The following UBL3 variants were observed in gnomAD, a reference collection of about 807,000 sequenced individuals.
The protein encoded by UBL3 is ubiquitin like 3, also known as ubiquitin-like protein 3.
In UBL3, 6 loss-of-function variants were observed where a neutral mutation model predicts 18.4. The ratio of observed to expected loss-of-function variants is 0.33; its 90% CI spans 0.18 to 0.64. The LOEUF (loss-of-function observed/expected upper bound fraction) is 0.64. UBL3 is among the 30% of genes least tolerant of loss of function. The pLI is 0.76. For missense variants in UBL3, 109 were observed against 142.9 expected, an observed-to-expected ratio of 0.76 and a Z score of 1.21; for synonymous variants, 49 against 46.6, an observed-to-expected ratio of 1.05 and a Z score of -0.21.
At chr13:29,839,931 G>GA (rs35669312) in intron 1 of UBL3, among the ~76,000 whole-genome samples, 6,225 of 120,398 alleles carry the variant, frequency 0.052, 188 homozygotes, top group Middle Eastern at 0.11. Context: ...CGTCTCGGGG[G>GA]AAAAAAAAAA....
At chr13:29,841,119 A>G (rs928394573) in intron 1 of UBL3, among the ~76,000 whole-genome samples, 3 of 152,158 alleles carry the variant, frequency 2.0e-5, no homozygotes, top group African/African-American at 7.2e-5. Context: ...TTAAGTACAT[A>G]AACAAAAATG....
At chr13:29,834,049 A>T (rs1878857472) in intron 1 of UBL3, among the ~76,000 whole-genome samples, 1 of 152,064 alleles carries the variant, frequency 6.6e-6, no homozygotes, top group Non-Finnish European at 1.5e-5. Context: ...AGCCAGGCAC[A>T]GGTGGCGCGT....
chr13:29,789,534 A>T (rs1215559144), intron 1 of UBL3, among the ~76,000 whole-genome samples: 4 of 152,212 alleles, frequency 2.6e-5, no homozygotes, highest in Non-Finnish European at 5.9e-5. Flanking sequence ...GAACACACAA[A>T]TGTGTGTTAA....
intron 1 of UBL3, among the ~76,000 whole-genome samples, chr13:29,789,241 T>C (rs1432669869): frequency 1.3e-5 from 2 of 152,074 alleles, no homozygotes; most frequent in African/African-American, 2.4e-5. Context: ...TTTTGCAAAA[T>C]GAAAAGAGTT....
intron 1 of UBL3, among the ~76,000 whole-genome samples, chr13:29,835,155 T>TATATATATATAA (rs1878922529): frequency 4.3e-5 from 2 of 46,868 alleles, no homozygotes; most frequent in Non-Finnish European, 3.6e-5. Context: ...TATATATATA[T>TATATATATATAA]ATATATATAT....
chr13:29,837,430 A>G (rs962164795), intron 1 of UBL3, among the ~76,000 whole-genome samples: 1 of 152,252 alleles, frequency 6.6e-6, no homozygotes. Context: ...GTGAAAATAC[A>G]AGTGAACATG....
intron 1 of UBL3, among the ~76,000 whole-genome samples, chr13:29,788,870 T>TGTGTGTGTGTGTGCGC (rs1180662351): frequency 4.8e-5 from 1 of 20,880 alleles, no homozygotes; most frequent in Admixed American, 4.3e-4. Flanking sequence ...TGTGTGTGTG[T>TGTGTGTGTGTGTGCGC]GCGCGCGCGC....
At chr13:29,820,743 C>G (rs1878414445) in intron 1 of UBL3, among the ~76,000 whole-genome samples, 1 of 152,180 alleles carries the variant, frequency 6.6e-6, no homozygotes, top group African/African-American at 2.4e-5. Context: ...GTAAACATAA[C>G]TACATTCTAA....
At chr13:29,774,995 C>T (rs1876942483) in intron 2 of UBL3, among the ~76,000 whole-genome samples, 1 of 152,120 alleles carries the variant, frequency 6.6e-6, no homozygotes, top group Non-Finnish European at 1.5e-5. Flanking sequence ...GTAAATGATG[C>T]ATTCTACCTA....
chr13:29,808,333 C>T (rs979805315), intron 1 of UBL3, among the ~76,000 whole-genome samples: 2 of 138,034 alleles, frequency 1.4e-5, no homozygotes, highest in African/African-American at 5.4e-5. Context: ...GACATGACTA[C>T]TTTAAATTAA....
chr13:29,847,049 G>C (rs1178280915), intron 1 of UBL3, among the ~76,000 whole-genome samples: 2 of 152,144 alleles, frequency 1.3e-5, no homozygotes, highest in African/African-American at 4.8e-5. Flanking sequence ...ATGGTATTAA[G>C]AGTTTAATAA....
chr13:29,795,494 T>C (rs1164550192), intron 1 of UBL3, among the ~76,000 whole-genome samples: 1 of 151,936 alleles, frequency 6.6e-6, no homozygotes, highest in Non-Finnish European at 1.5e-5. Flanking sequence ...GTAACATTAG[T>C]GACTAACATT....
intron 1 of UBL3, among the ~76,000 whole-genome samples, chr13:29,789,557 C>T (rs528578065): frequency 3.9e-5 from 6 of 152,298 alleles, no homozygotes; most frequent in Non-Finnish European, 4.4e-5. Flanking sequence ...AGGCACTAGG[C>T]TAGATGCGCC....
intron 1 of UBL3, among the ~76,000 whole-genome samples, chr13:29,830,298 T>C (rs1049174616): frequency 6.6e-6 from 1 of 152,304 alleles, no homozygotes; most frequent in Non-Finnish European, 1.5e-5. Flanking sequence ...AAAAATATAA[T>C]AACAGGCTTA....
chr13:29,783,148 T>C (rs1022174224), intron 1 of UBL3, among the ~76,000 whole-genome samples: 6 of 152,262 alleles, frequency 3.9e-5, no homozygotes, highest in Non-Finnish European at 5.9e-5. Flanking sequence ...GCTGTGGTCA[T>C]GCAGATAGTT....
chr13:29,831,261 G>T (rs1279540160), intron 1 of UBL3, among the ~76,000 whole-genome samples: 2 of 152,152 alleles, frequency 1.3e-5, no homozygotes, highest in Non-Finnish European at 2.9e-5. Context: ...GAGGTAAAAT[G>T]ACTCACAGAT....
chr13:29,770,179 G>T (rs1007993529), intron 3 of UBL3, among the ~76,000 whole-genome samples: 4 of 152,072 alleles, frequency 2.6e-5, no homozygotes, highest in Non-Finnish European at 4.4e-5. Flanking sequence ...TTCCCTGTGT[G>T]CTATCTTCTT....
chr13:29,835,153 T>TATATCTATATATATATAA (rs1878921378), intron 1 of UBL3, among the ~76,000 whole-genome samples: 1 of 30,498 alleles, frequency 3.3e-5, no homozygotes, highest in Non-Finnish European at 5.9e-5. Context: ...TATATATATA[T>TATATCTATATATATATAA]ATATATATAT....
At chr13:29,767,406 T>G in intron 4 of UBL3, 99 bp from the exon 5 acceptor site, 1 of 1,434,918 alleles carries the variant, frequency 7.0e-7, no homozygotes, top group East Asian at 2.3e-5. Context: ...TTTTGAGTTT[T>G]TAAAAATGTT....
Sources: gnomAD v4.1 joint callset for allele counts (sites outside exome capture counted in the v4.1 genomes callset) on GRCh38, gnomAD v4.1.1 for gene constraint, MANE v1.5 for transcripts, NCBI Gene and HGNC (gene_info 2026-07-23, HGNC 2026-07-21) for gene names.